Variants in GRID2 observed in about 807,000 individuals in gnomAD.
GRID2 encodes the protein glutamate ionotropic receptor delta type subunit 2.
GRID2 carries 33 observed loss-of-function variants against 114.8 expected under a neutral mutation model. The ratio of observed to expected loss-of-function variants is 0.29; its 90% CI spans 0.22 to 0.38. The LOEUF is 0.38. Ranked by LOEUF, GRID2 falls within the 10% of genes least tolerant of loss-of-function variation. GRID2 has a pLI of 1.00. For synonymous variants in GRID2, 505 were observed against 449.9 expected (o/e 1.12, Z -1.55); for missense variants, 1,184 against 1,257.7 (o/e 0.94, Z 0.89).
At chr4:93,277,729 T>C (rs1752208185) in intron 8 of GRID2, among the ~76,000 whole-genome samples, 2 of 152,026 alleles carry the variant, frequency 1.3e-5, no homozygotes, top group Admixed American at 1.3e-4. Context: ...ACCACTCCTA[T>C]CCCCACTTCA....
At chr4:93,397,270 TGTAA>T (rs1397551815) in intron 9 of GRID2, among the ~76,000 whole-genome samples, 1 of 152,058 alleles carries the variant, frequency 6.6e-6, no homozygotes. Context: ...GGTAAATAAT[TGTAA>T]GTATTTCACA....
At chr4:93,748,707 A>ATAATTT (rs1732059469) in intron 14 of GRID2, among the ~76,000 whole-genome samples, 1 of 151,718 alleles carries the variant, frequency 6.6e-6, no homozygotes, top group South Asian at 2.1e-4. Context: ...CCCCAAAAAA[A>ATAATTT]TAATGTGTGC....
At chr4:93,659,830 G>A (rs1723328113) in intron 14 of GRID2, among the ~76,000 whole-genome samples, 2 of 150,538 alleles carry the variant, frequency 1.3e-5, no homozygotes, top group Admixed American at 6.6e-5. Flanking sequence ...TTCTTAAAGC[G>A]AAAATCTCAT....
chr4:93,474,732 CCCTATGATAG>C (rs1725160995), intron 11 of GRID2, among the ~76,000 whole-genome samples: 1 of 152,094 alleles, frequency 6.6e-6, no homozygotes, highest in Non-Finnish European at 1.5e-5. Context: ...TTTCTCCCTT[CCCTATGATAG>C]CCTGTGATCA....
intron 2 of GRID2, among the ~76,000 whole-genome samples, chr4:92,827,840 T>C (rs1741833991): frequency 6.6e-6 from 1 of 152,130 alleles, no homozygotes. Context: ...GCTTGTTATA[T>C]TGCTGACAGT....
intron 2 of GRID2, among the ~76,000 whole-genome samples, chr4:92,616,027 CTATG>C (rs1300790756): frequency 2.0e-5 from 3 of 151,586 alleles, no homozygotes; most frequent in Non-Finnish European, 4.4e-5. Context: ...AGAAAATAAA[CTATG>C]TACACTATCT....
intron 2 of GRID2, among the ~76,000 whole-genome samples, chr4:92,922,636 A>G (rs939753280): frequency 1.3e-5 from 2 of 152,340 alleles, no homozygotes; most frequent in African/African-American, 4.8e-5. Flanking sequence ...TAATAGTCCA[A>G]AATCTAAAAA....
At chr4:92,357,074 G>A (rs1728364737) in intron 1 of GRID2, among the ~76,000 whole-genome samples, 1 of 151,718 alleles carries the variant, frequency 6.6e-6, no homozygotes, top group Admixed American at 6.6e-5. Flanking sequence ...GAGGATTAGG[G>A]TAATGGTGCC....
intron 1 of GRID2, among the ~76,000 whole-genome samples, chr4:92,546,303 G>T (rs183560450): frequency 1.3e-5 from 2 of 152,134 alleles, no homozygotes; most frequent in Non-Finnish European, 2.9e-5. Flanking sequence ...CTGCTTGTTT[G>T]CTTCATGAAT....
chr4:93,016,529 G>GCA (rs1306359112), intron 2 of GRID2, among the ~76,000 whole-genome samples: 4 of 152,154 alleles, frequency 2.6e-5, no homozygotes, highest in African/African-American at 9.7e-5. Context: ...TTTACTCCAT[G>GCA]CACTGCCTCT....
At position 93,518,323 on chromosome 4, in the gene GRID2, C is replaced by T. The variant is rs7696082; in HGVS notation, c.2193+2912C>T. On this transcript the variant is annotated intron_variant, in intron 13 of 15. Coordinates refer to ENST00000282020, the MANE Select transcript of GRID2 (RefSeq NM_001510.4). The stretch of plus-strand genomic sequence containing the variant: ...AAATCTGTGTAAATGAGCATTAAGT[C>T]GATGAGTTCTGATTTGCTAAACTTG... Among the ~76,000 whole-genome samples, 1,241 of 151,902 alleles carry T rather than the reference C, an allele frequency of 8.2e-3. 13 individuals carry two copies. The highest frequency in any genetic ancestry group is 0.028 in the African/African-American group (1,153 of 41,454).
intron 8 of GRID2, among the ~76,000 whole-genome samples, chr4:93,302,410 C>T (rs1754972005): frequency 6.6e-6 from 1 of 152,216 alleles, no homozygotes; most frequent in African/African-American, 2.4e-5. Flanking sequence ...CGCATGAATA[C>T]AGCAGCCAGG....
chr4:92,731,246 T>C (rs189722236), intron 2 of GRID2, among the ~76,000 whole-genome samples: 1 of 151,914 alleles, frequency 6.6e-6, no homozygotes, highest in East Asian at 1.9e-4. Flanking sequence ...TTTTTTTCTT[T>C]CTTTCTTTCT....
chr4:93,552,108 C>G (rs1733819753), intron 13 of GRID2, among the ~76,000 whole-genome samples: 1 of 149,690 alleles, frequency 6.7e-6, no homozygotes, highest in Non-Finnish European at 1.5e-5. Context: ...CAATTCCCAC[C>G]TATGAGTGAG....
At chr4:92,986,302 T>G (rs1754506104) in intron 2 of GRID2, among the ~76,000 whole-genome samples, 1 of 152,178 alleles carries the variant, frequency 6.6e-6, no homozygotes, top group African/African-American at 2.4e-5. Context: ...CTATTTGTAT[T>G]AATAAGAGGT....
At chr4:93,319,739 G>C (rs1281310731) in intron 8 of GRID2, 1 of 152,104 alleles carries the variant, frequency 6.6e-6, no homozygotes. Context: ...TCCAGGAAAG[G>C]CGCTAGGAGA....
intron 8 of GRID2, among the ~76,000 whole-genome samples, chr4:93,283,598 A>C (rs1752870335): frequency 6.6e-6 from 1 of 152,092 alleles, no homozygotes; most frequent in Admixed American, 6.6e-5. Context: ...GTGTAGGTGC[A>C]GTTAATCCTT....
At chr4:93,135,108 C>G (rs984783251) in intron 4 of GRID2, among the ~76,000 whole-genome samples, 1 of 152,084 alleles carries the variant, frequency 6.6e-6, no homozygotes, top group Non-Finnish European at 1.5e-5. Flanking sequence ...AAACAATTAT[C>G]TTTTTGTATT....
Position 93,773,641 on chromosome 4 carries a change from AG to A in GRID2, c.*1145del, listed in dbSNP as rs911360967. On this transcript the variant is annotated 3_prime_UTR_variant, in exon 16 of 16. Coordinates refer to ENST00000282020, the MANE Select transcript of GRID2 (RefSeq NM_001510.4). ...GAAGAGTTGAAACATAGATCATTGA[AG>A]GTTAAAAATCCTCTTCCAAAGCAGC... 6.6e-6 allele frequency: 1 copy of A among 152,128 alleles called. No homozygotes were observed. The highest frequency in any genetic ancestry group is 2.4e-5 in the African/African-American group (1 of 41,440). The allele number at this position is 152,128 out of a possible 1,614,324, so 9.4% of individuals were successfully genotyped here.
Sources: allele counts gnomAD v4.1 joint callset (sites outside exome capture counted in the v4.1 genomes callset), GRCh38; gene constraint gnomAD v4.1.1; transcripts MANE v1.5; gene names NCBI Gene and HGNC (gene_info 2026-07-23, HGNC 2026-07-21).